DPP8: variants seen among roughly 807,000 people sequenced by gnomAD.
DPP8 encodes the protein DPP VIII.
In DPP8, 31 loss-of-function variants were observed where a neutral mutation model predicts 107.5. The ratio of observed to expected loss-of-function variants is 0.29; its 90% CI spans 0.22 to 0.39. The LOEUF is 0.39. DPP8 is among the 10% of genes least tolerant of loss of function. The probability of loss-of-function intolerance (pLI) is 1.00; values close to 1 mark genes in which losing one functional copy is unlikely to be tolerated. For missense variants in DPP8, 842 were observed against 1,076.1 expected, an observed-to-expected ratio of 0.78 and a Z score of 3.04; for synonymous variants, 381 against 356.6, an observed-to-expected ratio of 1.07 and a Z score of -0.77.
chr15:65,511,659 CTAT>C (rs1205014395), intron 2 of DPP8, among the ~76,000 whole-genome samples: 24 of 88,894 alleles, frequency 2.7e-4, no homozygotes, highest in African/African-American at 8.0e-4. Context: ...AAAAAAAAAA[CTAT>C]AATTATGACA....
chr15:65,480,290 T>C lies in DPP8; in HGVS notation c.1228A>G (p.Ile410Val). 1.2e-6 allele frequency: 2 copies of C among 1,614,008 alleles called. No homozygotes were observed. The highest frequency in any genetic ancestry group is 1.7e-6 in the Non-Finnish European group (2 of 1,179,958). ...EDDVMERQRL[I>V]ESVPDSVTPL... is the part of the protein sequence containing the mutation. Reference sequence around the variant, plus strand: ...GTCACAGAATCAGGCACTGACTCAATGAGTCTCTGCCTTTCCATAACATCA... The same window carrying C: ...GTCACAGAATCAGGCACTGACTCAACGAGTCTCTGCCTTTCCATAACATCA... Residue 410 changes from isoleucine to valine, a missense_variant, in exon 10 of 20, where the codon ATT (isoleucine) becomes GTT (valine). Ile to Val is a conservative substitution (Grantham distance 29, BLOSUM62 3). Coordinates refer to ENST00000300141, the MANE Select transcript of DPP8 (RefSeq NM_130434.5).
intron 15 of DPP8, 151 bp from the exon 16 acceptor site, chr15:65,456,522 T>A (rs2064434457): frequency 6.0e-6 from 5 of 827,866 alleles, no homozygotes; most frequent in Non-Finnish European, 8.9e-6. Context: ...AATTAACAAG[T>A]CTGTTTATTT....
At chr15:65,464,007 C>G in intron 14 of DPP8, 101 bp from the exon 15 acceptor site, 1 of 806,114 alleles carries the variant, frequency 1.2e-6, no homozygotes. Flanking sequence ...CCCGCCAACA[C>G]AAACTGACCA....
At chr15:65,501,475 T>C (rs2069231251) in intron 3 of DPP8, among the ~76,000 whole-genome samples, 1 of 152,244 alleles carries the variant, frequency 6.6e-6, no homozygotes, top group African/African-American at 2.4e-5. Context: ...ACTAGAAGTC[T>C]AACCTTGAGA....
intron 7 of DPP8, 97 bp from the exon 8 acceptor site, chr15:65,485,257 G>A (rs545584586): frequency 4.7e-5 from 44 of 946,054 alleles, no homozygotes; most frequent in South Asian, 2.0e-4. Flanking sequence ...TAAGAATAAC[G>A]TATAGGTCGG....
intron 15 of DPP8, among the ~76,000 whole-genome samples, chr15:65,457,238 C>T (rs1371555026): frequency 1.3e-5 from 2 of 152,096 alleles, no homozygotes; most frequent in African/African-American, 4.8e-5. Context: ...CCTGTGATCC[C>T]AGTCACTCGG....
intron 15 of DPP8, among the ~76,000 whole-genome samples, chr15:65,461,233 C>G (rs1010157575): frequency 2.0e-5 from 3 of 152,098 alleles, no homozygotes; most frequent in African/African-American, 7.2e-5. Context: ...CAACCTCGAA[C>G]TCCTGGGCTC....
chr15:65,445,742 T>C lies in DPP8; in HGVS notation c.*1142A>G, dbSNP rs72739469. The C allele has an allele frequency of 0.043, 6,632 of 152,868 alleles. 218 individuals are homozygous for C. The highest frequency in any genetic ancestry group is 0.061 in the Non-Finnish European group (4,177 of 67,992). The allele number at this position is 152,868 out of a possible 1,614,324, so 9.5% of individuals were successfully genotyped here. A position where few individuals can be genotyped will look rare whatever the true frequency, so the allele number is the denominator to read the frequency against. On this transcript the variant is annotated 3_prime_UTR_variant, in exon 20 of 20. Coordinates refer to ENST00000300141, the MANE Select transcript of DPP8 (RefSeq NM_130434.5). ...AATTATAAAAGTAACTCTAAGGAAC[T>C]TTTCCTCCCCTGAATCATGTTACTC...
chr15:65,490,328 A>G, intron 5 of DPP8, 29 bp from the exon 6 acceptor site: 1 of 1,352,696 alleles, frequency 7.4e-7, no homozygotes, highest in Non-Finnish European at 1.1e-6. Flanking sequence ...CAAAATTATC[A>G]CAGAAAGCTA....
chr15:65,501,010 T>C (rs1000781384), intron 3 of DPP8, among the ~76,000 whole-genome samples: 5 of 151,824 alleles, frequency 3.3e-5, no homozygotes, highest in Admixed American at 1.3e-4. Context: ...TCCTAGTAGC[T>C]GGGACTACAG....
intron 15 of DPP8, 48 bp from the exon 16 acceptor site, chr15:65,456,419 AC>A: frequency 6.4e-7 from 1 of 1,559,636 alleles, no homozygotes; most frequent in South Asian, 1.2e-5. Flanking sequence ...GCATATAAAA[AC>A]CCAAGAGCGG....
chr15:65,489,089 T>C (rs528162345), intron 6 of DPP8, among the ~76,000 whole-genome samples: 3 of 152,210 alleles, frequency 2.0e-5, no homozygotes, highest in African/African-American at 7.2e-5. Context: ...GCCTCCCGAG[T>C]AGCTGGGACT....
At chr15:65,462,966 T>G (rs1172694223) in intron 15 of DPP8, among the ~76,000 whole-genome samples, 1 of 152,204 alleles carries the variant, frequency 6.6e-6, no homozygotes, top group Non-Finnish European at 1.5e-5. Context: ...AGGTATAAAC[T>G]TCTTACAGTG....
intron 5 of DPP8, among the ~76,000 whole-genome samples, chr15:65,493,450 C>T (rs1429646807): frequency 6.6e-6 from 1 of 152,132 alleles, no homozygotes; most frequent in Non-Finnish European, 1.5e-5. Context: ...TAACCAAATA[C>T]CTTGCAATCA....
chr15:65,510,572 T>C (rs1290021812), intron 2 of DPP8, among the ~76,000 whole-genome samples: 1 of 151,970 alleles, frequency 6.6e-6, no homozygotes, highest in Admixed American at 6.6e-5. Flanking sequence ...GAAGTCTCGC[T>C]CTGTCATCCA....
chr15:65,468,741 T>C (rs1158161179), intron 12 of DPP8, among the ~76,000 whole-genome samples: 2 of 152,140 alleles, frequency 1.3e-5, no homozygotes, highest in Non-Finnish European at 2.9e-5. Context: ...GTGTTAATCT[T>C]TGCAAAAGAT....
intron 1 of DPP8, among the ~76,000 whole-genome samples, chr15:65,513,593 A>G (rs1470693528): frequency 1.3e-5 from 2 of 152,226 alleles, no homozygotes; most frequent in Non-Finnish European, 2.9e-5. Flanking sequence ...GCAGGAAAAA[A>G]AGATACTATC....
intron 12 of DPP8, among the ~76,000 whole-genome samples, chr15:65,470,195 C>CAA (rs11310623): frequency 3.9e-3 from 229 of 58,168 alleles, no homozygotes; most frequent in Non-Finnish European, 5.3e-3. Context: ...ACTCTTGTCT[C>CAA]AAAAAAAAAA....
At chr15:65,495,774 C>T (rs949308709) in intron 5 of DPP8, among the ~76,000 whole-genome samples, 1 of 151,050 alleles carries the variant, frequency 6.6e-6, no homozygotes, top group Non-Finnish European at 1.5e-5. Context: ...CCCAGCTACT[C>T]GGGAGGCTGA....
Sources: gnomAD v4.1 joint callset for allele counts (sites outside exome capture counted in the v4.1 genomes callset) on GRCh38, gnomAD v4.1.1 for gene constraint, MANE v1.5 for transcripts, NCBI Gene and HGNC (gene_info 2026-07-23, HGNC 2026-07-21) for gene names.